The following PPA2 variants were observed in gnomAD, a reference collection of about 807,000 sequenced individuals.
The protein encoded by PPA2 is inorganic pyrophosphatase 2, mitochondrial.
Under a neutral mutation model 49.5 loss-of-function variants are expected in PPA2, and 48 were observed. The ratio of observed to expected loss-of-function variants is 0.97; its 90% CI spans 0.77 to 1.23. The LOEUF (loss-of-function observed/expected upper bound fraction) is 1.23. Among genes scored for constraint, PPA2 ranks in the 50% most tolerant of loss-of-function variants. The pLI, the probability that PPA2 is intolerant of heterozygous loss-of-function variation, is 0.00. For synonymous variants in PPA2, 131 were observed against 139.9 expected, an observed-to-expected ratio of 0.94 and a Z score of 0.45; for missense variants, 429 against 410.1, an observed-to-expected ratio of 1.05 and a Z score of -0.40.
In PPA2 at chr4:105,378,419, T is replaced by C. The variant is rs150899325; in HGVS notation, c.940-7546A>G. 2.5e-3 allele frequency among the ~76,000 whole-genome samples: 378 copies of C among 152,288 alleles called. 2 individuals are homozygous for C. Among genetic ancestry groups the C allele is most frequent in the African/African-American group, 8.8e-3 (367 of 41,582 alleles). On this transcript the variant is annotated intron_variant, in intron 10 of 11. Coordinates refer to ENST00000341695, the MANE Select transcript of PPA2 (RefSeq NM_176869.3). The stretch of plus-strand genomic sequence containing the variant: ...TCCATCCATTTACAGAGCCATATTT[T>C]GTACATTTTTAAAAACTGAATGTTT...
chr4:105,440,562 T>C (rs1342862477), intron 5 of PPA2, among the ~76,000 whole-genome samples: 1 of 152,136 alleles, frequency 6.6e-6, no homozygotes, highest in Non-Finnish European at 1.5e-5. Flanking sequence ...CGCCGGCCAA[T>C]AAGAGGATCT....
At chr4:105,429,314 TAACA>T (rs1723685827) in intron 6 of PPA2, among the ~76,000 whole-genome samples, 1 of 152,166 alleles carries the variant, frequency 6.6e-6, no homozygotes, top group African/African-American at 2.4e-5. Flanking sequence ...TGAGAGTAAC[TAACA>T]AAGATGGCGT....
At chr4:105,449,658 G>T (rs1311079880) in intron 3 of PPA2, among the ~76,000 whole-genome samples, 1 of 152,134 alleles carries the variant, frequency 6.6e-6, no homozygotes, top group African/African-American at 2.4e-5. Flanking sequence ...TATCTTTGAT[G>T]AGTAGTGACA....
At chr4:105,451,206 T>C (rs774062016) in intron 3 of PPA2, among the ~76,000 whole-genome samples, 5 of 152,200 alleles carry the variant, frequency 3.3e-5, no homozygotes, top group Non-Finnish European at 7.3e-5. Flanking sequence ...CAGCCAAAGC[T>C]GGACTAAAGC....
At chr4:105,457,454 A>C (rs1722917369) in intron 1 of PPA2, among the ~76,000 whole-genome samples, 4 of 152,204 alleles carry the variant, frequency 2.6e-5, no homozygotes, top group Non-Finnish European at 5.9e-5. Flanking sequence ...TAATTTCCTA[A>C]ATCAGGCTGT....
intron 9 of PPA2, among the ~76,000 whole-genome samples, chr4:105,392,502 GTC>G (rs1374145011): frequency 2.0e-5 from 3 of 151,854 alleles, no homozygotes; most frequent in African/African-American, 7.3e-5. Flanking sequence ...GTGAAACCTC[GTC>G]TCTACTAAAA....
intron 11 of PPA2, 81 bp from the exon 12 acceptor site, chr4:105,369,834 G>T: frequency 7.6e-7 from 1 of 1,312,680 alleles, no homozygotes; most frequent in South Asian, 1.2e-5. Flanking sequence ...ATTTAATTTC[G>T]ACTTTTAGGA....
At chr4:105,379,630 ATTTTTT>A (rs70964652) in intron 10 of PPA2, among the ~76,000 whole-genome samples, 4 of 127,682 alleles carry the variant, frequency 3.1e-5, no homozygotes, top group Non-Finnish European at 4.8e-5. Context: ...CGCCTGGCTA[ATTTTTT>A]TTTTTTTTTT....
intron 3 of PPA2, among the ~76,000 whole-genome samples, chr4:105,449,809 C>A (rs1344165073): frequency 6.6e-6 from 1 of 152,140 alleles, no homozygotes; most frequent in Non-Finnish European, 1.5e-5. Flanking sequence ...GTCCCACTCA[C>A]CACATGAGGT....
chr4:105,429,112 T>C (rs1723676992), intron 6 of PPA2, among the ~76,000 whole-genome samples: 1 of 152,206 alleles, frequency 6.6e-6, no homozygotes, highest in African/African-American at 2.4e-5. Context: ...ATTTTTCTTC[T>C]TCCATCTAGA....
At chr4:105,409,819 G>A (rs1722667854) in intron 7 of PPA2, among the ~76,000 whole-genome samples, 1 of 152,214 alleles carries the variant, frequency 6.6e-6, no homozygotes, top group African/African-American at 2.4e-5. Context: ...ATGCAGCTGA[G>A]GGGCCTGTTA....
At chr4:105,434,219 TA>T (rs779234310) in intron 6 of PPA2, among the ~76,000 whole-genome samples, 2 of 152,106 alleles carry the variant, frequency 1.3e-5, no homozygotes, top group Non-Finnish European at 2.9e-5. Context: ...AAGGAACAAC[TA>T]GAATAAAAAG....
At chr4:105,400,333 T>G (rs531401321) in intron 7 of PPA2, among the ~76,000 whole-genome samples, 4 of 152,176 alleles carry the variant, frequency 2.6e-5, no homozygotes, top group African/African-American at 7.2e-5. Context: ...GAAATGCAAT[T>G]TAATCAATGC....
At chr4:105,380,412 C>T (rs1337285203) in intron 10 of PPA2, among the ~76,000 whole-genome samples, 2 of 152,100 alleles carry the variant, frequency 1.3e-5, no homozygotes, top group Non-Finnish European at 2.9e-5. Flanking sequence ...AAAGGCTTAC[C>T]AGTTTTACCA....
chr4:105,422,291 A>G (rs941859903), intron 7 of PPA2, among the ~76,000 whole-genome samples: 11 of 152,194 alleles, frequency 7.2e-5, no homozygotes, highest in African/African-American at 2.4e-4. Flanking sequence ...TAAAACAATA[A>G]CATCTTGTTT....
At chr4:105,426,249 C>T (rs1409980078) in intron 6 of PPA2, among the ~76,000 whole-genome samples, 4 of 152,194 alleles carry the variant, frequency 2.6e-5, no homozygotes, top group Non-Finnish European at 4.4e-5. Flanking sequence ...CTCCCGTCTA[C>T]AGTTCCCAGT....
chr4:105,374,493 C>CT (rs1485020494), intron 10 of PPA2, among the ~76,000 whole-genome samples: 21 of 152,234 alleles, frequency 1.4e-4, no homozygotes, highest in African/African-American at 4.8e-4. Flanking sequence ...TTCAAAAACT[C>CT]TAACGGTTTC....
At chr4:105,468,964 C>A (rs1289342918) in intron 1 of PPA2, among the ~76,000 whole-genome samples, 4 of 152,192 alleles carry the variant, frequency 2.6e-5, no homozygotes, top group Non-Finnish European at 5.9e-5. Flanking sequence ...TAAACTACGT[C>A]CCCTGAACAC....
At chr4:105,399,650 A>T (rs1015038087) in intron 7 of PPA2, 5 of 152,642 alleles carry the variant, frequency 3.3e-5, no homozygotes, top group African/African-American at 1.2e-4. Context: ...GCACACATAA[A>T]AGCAAGGGAC....
Sources: allele counts gnomAD v4.1 joint callset (sites outside exome capture counted in the v4.1 genomes callset), GRCh38; gene constraint gnomAD v4.1.1; transcripts MANE v1.5; gene names NCBI Gene and HGNC (gene_info 2026-07-23, HGNC 2026-07-21).